MYRFL: variants seen among roughly 807,000 people sequenced by gnomAD.
MYRFL encodes myelin regulatory factor-like protein.
A neutral mutation model predicts 109.4 loss-of-function variants in MYRFL; 88 were observed. That is an observed-to-expected ratio of 0.80 (90% CI 0.68 to 0.96). MYRFL has a LOEUF of 0.96. Ranked by LOEUF, MYRFL falls within the 40% of genes least tolerant of loss-of-function variation. The pLI, the probability that MYRFL is intolerant of heterozygous loss-of-function variation, is 0.00. For missense variants in MYRFL, 957 were observed against 954.9 expected, an observed-to-expected ratio of 1.00 and a Z score of -0.03; for synonymous variants, 324 against 320.9, an observed-to-expected ratio of 1.01 and a Z score of -0.10.
rs12146848 is a variant in MYRFL, at chr12:69,825,745, G to A, written c.46+182G>A. Among the ~76,000 whole-genome samples, 284 of 152,192 alleles carry A rather than the reference G, an allele frequency of 1.9e-3. 1 individual carries two copies. The highest frequency in any genetic ancestry group is 8.9e-3 in the South Asian group (43 of 4,826). Reference sequence around the variant, plus strand: ...ATTGGGAGCAAAATTCAATGGTATGGATAGAGATTTTAAACAAAACAGGAT... The same window carrying A: ...ATTGGGAGCAAAATTCAATGGTATGAATAGAGATTTTAAACAAAACAGGAT... On this transcript the variant is annotated intron_variant, in intron 1 of 24. Coordinates refer to ENST00000552032, the MANE Select transcript of MYRFL (RefSeq NM_182530.3).
chr12:69,921,286 T>C (rs1954902254), intron 13 of MYRFL, among the ~76,000 whole-genome samples: 1 of 152,070 alleles, frequency 6.6e-6, no homozygotes, highest in Non-Finnish European at 1.5e-5. Context: ...CAAGCAGTCC[T>C]CCCACCCTGG....
At chr12:69,848,710 C>G in intron 1 of MYRFL, among the ~76,000 whole-genome samples, 1 of 152,078 alleles carries the variant, frequency 6.6e-6, no homozygotes. Flanking sequence ...ACATTCATAA[C>G]TCTCTTCATT....
intron 8 of MYRFL, 52 bp from the exon 9 acceptor site, chr12:69,895,319 T>G: frequency 7.8e-7 from 1 of 1,288,534 alleles, no homozygotes; most frequent in Non-Finnish European, 1.1e-6. Flanking sequence ...TGATCAGAGA[T>G]TTGGTGTTCT....
chr12:69,927,880 G>A, intron 15 of MYRFL, 132 bp downstream of exon 15: 1 of 775,994 alleles, frequency 1.3e-6, no homozygotes, highest in South Asian at 1.9e-5. Flanking sequence ...TGTACTATAT[G>A]TGTTTAAATA....
chr12:69,867,797 G>C (rs1885096570), intron 2 of MYRFL, among the ~76,000 whole-genome samples: 1 of 152,140 alleles, frequency 6.6e-6, no homozygotes, highest in African/African-American at 2.4e-5. Context: ...TGTGAGAAGA[G>C]CTTGTTAAAG....
chr12:69,830,902 G>A (rs1468785979), intron 1 of MYRFL, among the ~76,000 whole-genome samples: 1 of 151,916 alleles, frequency 6.6e-6, no homozygotes, highest in Non-Finnish European at 1.5e-5. Context: ...CACCTTCTTT[G>A]GTGTTATTGT....
At chr12:69,939,232 G>C (rs1185206830) in intron 19 of MYRFL, among the ~76,000 whole-genome samples, 1 of 152,170 alleles carries the variant, frequency 6.6e-6, no homozygotes, top group East Asian at 1.9e-4. Flanking sequence ...CTCCACCTCT[G>C]GGGGCAGGGC....
intron 2 of MYRFL, among the ~76,000 whole-genome samples, chr12:69,873,516 A>G (rs1651697412): frequency 6.6e-6 from 1 of 152,214 alleles, no homozygotes; most frequent in Non-Finnish European, 1.5e-5. Context: ...TGGAACCATT[A>G]TAAAGTAAAA....
At chr12:69,887,897 A>C (rs1424039455) in intron 6 of MYRFL, among the ~76,000 whole-genome samples, 1 of 152,202 alleles carries the variant, frequency 6.6e-6, no homozygotes, top group Non-Finnish European at 1.5e-5. Context: ...TAGAAAAAGA[A>C]ATGAGGGGTC....
At chr12:69,906,163 G>A (rs934307027) in intron 11 of MYRFL, among the ~76,000 whole-genome samples, 12 of 152,154 alleles carry the variant, frequency 7.9e-5, no homozygotes, top group African/African-American at 2.9e-4. Context: ...TCCTCACGCA[G>A]GAAACACAGA....
intron 22 of MYRFL, among the ~76,000 whole-genome samples, chr12:69,957,190 A>T (rs1204800950): frequency 6.6e-6 from 1 of 152,174 alleles, no homozygotes; most frequent in Non-Finnish European, 1.5e-5. Context: ...TTCAACTCTG[A>T]TAGCTTTAAA....
chr12:69,932,885 G>GTGTGTGTGTT (rs1461362023), intron 16 of MYRFL, among the ~76,000 whole-genome samples: 32 of 140,276 alleles, frequency 2.3e-4, no homozygotes, highest in Non-Finnish European at 3.3e-4. Flanking sequence ...GTGTGTGTTT[G>GTGTGTGTGTT]TGTGTGTGTG....
intron 13 of MYRFL, among the ~76,000 whole-genome samples, chr12:69,912,736 G>T (rs143398162): frequency 2.9e-3 from 435 of 152,086 alleles, no homozygotes; most frequent in African/African-American, 9.4e-3. Flanking sequence ...CATGTTTTAG[G>T]TATTGTGAAT....
At chr12:69,899,115 C>T (rs571721979) in intron 10 of MYRFL, among the ~76,000 whole-genome samples, 1 of 152,304 alleles carries the variant, frequency 6.6e-6, no homozygotes, top group South Asian at 2.1e-4. Context: ...CTCCCAGACA[C>T]AATTTTGGTT....
chr12:69,882,455 T>C (rs898941987), intron 5 of MYRFL, among the ~76,000 whole-genome samples: 11 of 152,132 alleles, frequency 7.2e-5, no homozygotes, highest in African/African-American at 2.7e-4. Flanking sequence ...ACAAAGGTCC[T>C]GGGGAAACAG....
At chr12:69,863,074 C>A (rs1884793175) in intron 2 of MYRFL, among the ~76,000 whole-genome samples, 1 of 151,738 alleles carries the variant, frequency 6.6e-6, no homozygotes, top group African/African-American at 2.4e-5. Context: ...ATATATTGAA[C>A]CAGCCTTGCA....
At chr12:69,947,823 A>G (rs906835776) in intron 19 of MYRFL, among the ~76,000 whole-genome samples, 13 of 152,124 alleles carry the variant, frequency 8.5e-5, no homozygotes, top group Admixed American at 6.6e-4. Context: ...TGGTTCAGTG[A>G]AGGGAAGAGA....
chr12:69,868,409 G>A, intron 2 of MYRFL, among the ~76,000 whole-genome samples: 1 of 152,094 alleles, frequency 6.6e-6, no homozygotes, highest in Non-Finnish European at 1.5e-5. Flanking sequence ...CACCGCGCCA[G>A]ACCAAACCTC....
At chr12:69,853,750 G>A (rs562626270) in intron 1 of MYRFL, among the ~76,000 whole-genome samples, 219 of 150,108 alleles carry the variant, frequency 1.5e-3, no homozygotes, top group African/African-American at 5.1e-3. Context: ...TCCCAGACTG[G>A]GCGGCGGGGC....
Sources: gnomAD v4.1 joint callset for allele counts (sites outside exome capture counted in the v4.1 genomes callset) on GRCh38, gnomAD v4.1.1 for gene constraint, MANE v1.5 for transcripts, NCBI Gene and HGNC (gene_info 2026-07-23, HGNC 2026-07-21) for gene names.